SNCAIP: variants seen among roughly 807,000 people sequenced by gnomAD.
SNCAIP encodes the protein synphilin-1.
Under a neutral mutation model 86.7 loss-of-function variants are expected in SNCAIP, and 43 were observed. The observed-to-expected ratio is 0.50, with a 90% confidence interval of 0.39 to 0.64. SNCAIP has a LOEUF of 0.64. SNCAIP is among the 30% of genes least tolerant of loss of function. The pLI, the probability that SNCAIP is intolerant of heterozygous loss-of-function variation, is 0.00. For synonymous variants in SNCAIP, 417 were observed against 427.2 expected, an observed-to-expected ratio of 0.98 and a Z score of 0.29; for missense variants, 981 against 1,103.1, an observed-to-expected ratio of 0.89 and a Z score of 1.57.
intron 1 of SNCAIP, among the ~76,000 whole-genome samples, chr5:122,387,612 G>T (rs1007969857): frequency 1.1e-4 from 17 of 152,184 alleles, no homozygotes; most frequent in African/African-American, 2.4e-4. Flanking sequence ...ACTTTTTCTG[G>T]GTTTGCACTT....
At chr5:122,430,337 A>G (rs1057500027) in intron 5 of SNCAIP, among the ~76,000 whole-genome samples, 1 of 152,196 alleles carries the variant, frequency 6.6e-6, no homozygotes, top group Admixed American at 6.5e-5. Context: ...GATTTGTCTG[A>G]CAGAGTTATT....
intron 1 of SNCAIP, among the ~76,000 whole-genome samples, chr5:122,359,045 T>TTA (rs1554085888): frequency 1.3e-5 from 2 of 151,790 alleles, no homozygotes; most frequent in Non-Finnish European, 2.9e-5. Flanking sequence ...TCTGGAGCCT[T>TTA]TATACTTTAT....
At position 122,451,883 on chromosome 5, in the gene SNCAIP, G is replaced by C. The variant is rs911522509; in HGVS notation, c.2754+282G>C. 8.2e-6 allele frequency: 3 copies of C among 365,362 alleles called. No individual in the cohort carries two copies. The East Asian group carries it at 1.7e-4, about 21-fold the overall frequency. The allele number at this position is 365,362 out of a possible 1,614,324, so 22.6% of individuals were successfully genotyped here. ...ATTTCCCTAAATGGCCTAATCTTTA[G>C]GTGTTAGGGTCCTAGACTTGGAGGC... On this transcript the variant is annotated intron_variant, in intron 10 of 10. Coordinates refer to ENST00000261368, the MANE Select transcript of SNCAIP (RefSeq NM_005460.4).
Position 122,391,189 on chromosome 5 carries a change from T to A in SNCAIP, c.55T>A (p.Ser19Thr). 1 of 1,597,640 alleles carries A rather than the reference T, an allele frequency of 6.3e-7. No homozygotes were observed. Among genetic ancestry groups the A allele is most frequent in the Non-Finnish European group, 8.6e-7 (1 of 1,165,074 alleles). The change falls in exon 2 of 11, where the codon TCT (serine) becomes ACT (threonine). Residue 19 changes from serine (S) to threonine (T), a missense_variant and splice_region_variant. Ser to Thr is a moderately conservative substitution (Grantham distance 58). Coordinates refer to ENST00000261368, the MANE Select transcript of SNCAIP (RefSeq NM_005460.4). ...LDEIDFSDDI[S>T]YSVTSLKTIP... The stretch of plus-strand genomic sequence containing the variant: ...TGAAATTGACTTTAGTGATGACATA[T>A]CTGTAAGTACCACTGTATACAAGAA...
chr5:122,380,519 G>T (rs1766488236), intron 1 of SNCAIP, among the ~76,000 whole-genome samples: 2 of 149,700 alleles, frequency 1.3e-5, no homozygotes, highest in Non-Finnish European at 3.0e-5. Context: ...TTTTTGAAGG[G>T]TTTTTTGTGT....
At chr5:122,386,316 C>T (rs547738468) in intron 1 of SNCAIP, among the ~76,000 whole-genome samples, 32 of 152,112 alleles carry the variant, frequency 2.1e-4, no homozygotes, top group African/African-American at 7.7e-4. Context: ...ATGTGGTTCT[C>T]AGTTATTTTG....
At chr5:122,321,046 C>A (rs2152668836) in intron 1 of SNCAIP, among the ~76,000 whole-genome samples, 2 of 152,230 alleles carry the variant, frequency 1.3e-5, no homozygotes, top group South Asian at 4.1e-4. Flanking sequence ...TCTCCTGAAG[C>A]ATTGTCTTGT....
intron 3 of SNCAIP, among the ~76,000 whole-genome samples, chr5:122,406,407 C>G (rs542501837): frequency 6.6e-6 from 1 of 152,314 alleles, no homozygotes; most frequent in Non-Finnish European, 1.5e-5. Flanking sequence ...GGATGGGGCA[C>G]TCTCAGGGGA....
At chr5:122,368,254 A>G (rs948426608) in intron 1 of SNCAIP, among the ~76,000 whole-genome samples, 1 of 152,046 alleles carries the variant, frequency 6.6e-6, no homozygotes, top group Non-Finnish European at 1.5e-5. Flanking sequence ...TTCGCTGAGT[A>G]CCATAGAGTC....
At chr5:122,418,831 A>C (rs1190163601) in intron 3 of SNCAIP, among the ~76,000 whole-genome samples, 1 of 152,166 alleles carries the variant, frequency 6.6e-6, no homozygotes, top group African/African-American at 2.4e-5. Context: ...GAAATATTTG[A>C]GTGGATTTTG....
intron 1 of SNCAIP, among the ~76,000 whole-genome samples, chr5:122,366,188 C>G (rs1763153911): frequency 6.6e-6 from 1 of 152,124 alleles, no homozygotes; most frequent in African/African-American, 2.4e-5. Flanking sequence ...CTAGCAAAAG[C>G]AGGGAAGCCA....
intron 1 of SNCAIP, among the ~76,000 whole-genome samples, chr5:122,318,743 AAGG>A (rs1276740026): frequency 6.6e-6 from 1 of 152,190 alleles, no homozygotes; most frequent in Non-Finnish European, 1.5e-5. Context: ...TAACAACCTT[AAGG>A]AGGAGGCTGG....
intron 1 of SNCAIP, 62 bp from the exon 2 acceptor site, chr5:122,391,027 T>A: frequency 2.4e-6 from 2 of 836,026 alleles, no homozygotes; most frequent in Non-Finnish European, 4.2e-6. Context: ...ATGTAGACAT[T>A]ATTTTTGGTT....
intron 2 of SNCAIP, among the ~76,000 whole-genome samples, chr5:122,392,947 A>C (rs750175247): frequency 1.3e-5 from 2 of 152,206 alleles, no homozygotes; most frequent in Non-Finnish European, 2.9e-5. Context: ...ACAACAGAGC[A>C]GTTGTATTTA....
At position 122,423,567 on chromosome 5, in the gene SNCAIP, A is replaced by C. The variant is rs1271845969; in HGVS notation, c.830A>C (p.Asp277Ala). Residue 277 changes from aspartate (D) to alanine (A), a missense_variant, in exon 4 of 11, where the codon GAC becomes GCC. Coordinates refer to ENST00000261368, the MANE Select transcript of SNCAIP (RefSeq NM_005460.4). Reference sequence around the variant, plus strand: ...CGAAAAGTTGAGAAGACAACACCAGACTGCCAGCTCAGGGCCTTCCACCTA... The same window carrying C: ...CGAAAAGTTGAGAAGACAACACCAGCCTGCCAGCTCAGGGCCTTCCACCTA... Reference protein sequence around the residue: ...HGRKVEKTTPDCQLRAFHLQS... With the variant: ...HGRKVEKTTPACQLRAFHLQS... 1 of 1,614,192 alleles carries C rather than the reference A, an allele frequency of 6.2e-7. No homozygotes were observed. The highest frequency in any genetic ancestry group is 1.1e-5 in the South Asian group (1 of 91,084).
At chr5:122,328,835 C>T (rs955214590) in intron 1 of SNCAIP, among the ~76,000 whole-genome samples, 7 of 152,172 alleles carry the variant, frequency 4.6e-5, no homozygotes, top group African/African-American at 1.7e-4. Flanking sequence ...GACCCATGGC[C>T]AGTCCCTTAC....
At chr5:122,340,334 C>G (rs1043907014) in intron 1 of SNCAIP, among the ~76,000 whole-genome samples, 34 of 152,150 alleles carry the variant, frequency 2.2e-4, no homozygotes, top group African/African-American at 8.0e-4. Context: ...CTATGTAGTA[C>G]TGTCCCCTCA....
At position 122,326,606 on chromosome 5, in the gene SNCAIP, C is replaced by CTTTTT. The variant is rs11297385; in HGVS notation, c.-47+14351_-47+14355dup. ...AGAAAGGGAACTTCAGAAATGTCTC[C>CTTTTT]TTTTTTTTTTTTTTTTTTTTTTTTT... is the stretch of plus-strand genomic sequence containing the variant. On this transcript the variant is annotated intron_variant, in intron 1 of 10. Transcript: ENST00000261368. Among the ~76,000 whole-genome samples the CTTTTT allele has an allele frequency of 2.9e-3, 122 of 42,132 alleles. 7 individuals are homozygous for CTTTTT. The highest frequency in any genetic ancestry group is 6.0e-3 in the African/African-American group (46 of 7,708). 27.6% of individuals were successfully genotyped at this position (42,132 alleles called of 152,430 possible).
intron 1 of SNCAIP, among the ~76,000 whole-genome samples, chr5:122,343,213 C>T (rs944982140): frequency 1.4e-4 from 21 of 152,166 alleles, no homozygotes; most frequent in Non-Finnish European, 2.8e-4. Context: ...CTGCTTACTT[C>T]TTAGTTGTGG....
Sources: allele counts gnomAD v4.1 joint callset (sites outside exome capture counted in the v4.1 genomes callset), GRCh38; gene constraint gnomAD v4.1.1; transcripts MANE v1.5; gene names NCBI Gene and HGNC (gene_info 2026-07-23, HGNC 2026-07-21).